The following MBP variants were observed in gnomAD, a reference collection of about 807,000 sequenced individuals.
MBP encodes Golli-MBP.
Under a neutral mutation model 35.8 loss-of-function variants are expected in MBP, and 16 were observed. The observed-to-expected ratio is 0.45, with a 90% CI of 0.30 to 0.68. The LOEUF is 0.68. MBP is among the 30% of genes least tolerant of loss of function. The pLI is 0.08. For synonymous variants in MBP, 143 were observed against 159.6 expected (o/e 0.90, Z 0.78); for missense variants, 380 against 404.7 (o/e 0.94, Z 0.52).
intron 2 of MBP, among the ~76,000 whole-genome samples, chr18:77,103,969 G>A (rs567517565): frequency 1.1e-4 from 16 of 152,364 alleles, no homozygotes; most frequent in South Asian, 4.1e-4. Context: ...CTTACTAGCC[G>A]GAAGGATTCG....
intron 1 of MBP, among the ~76,000 whole-genome samples, chr18:77,106,486 C>T (rs902984929): frequency 3.9e-5 from 6 of 152,162 alleles, no homozygotes; most frequent in South Asian, 2.1e-4. Flanking sequence ...ACCTCCCTCA[C>T]GTGTGTGGGA....
At chr18:77,037,413 G>A (rs1212686782) in intron 3 of MBP, among the ~76,000 whole-genome samples, 1 of 152,200 alleles carries the variant, frequency 6.6e-6, no homozygotes, top group Non-Finnish European at 1.5e-5. Flanking sequence ...CAGTGAGGTC[G>A]GGAGTATGTC....
chr18:77,041,093 C>T (rs1044644276), intron 3 of MBP, among the ~76,000 whole-genome samples: 1 of 152,136 alleles, frequency 6.6e-6, no homozygotes, highest in African/African-American at 2.4e-5. Context: ...AAGAAAAAAA[C>T]AACCCCATCA....
At chr18:77,017,462 G>T in intron 3 of MBP, 194 bp from the exon 4 acceptor site, 1 of 425,790 alleles carries the variant, frequency 2.3e-6, no homozygotes, top group Non-Finnish European at 4.0e-6. Context: ...TGTTTCAGAA[G>T]GCTCTGGGAA....
chr18:77,097,572 A>G (rs919233176), intron 2 of MBP: 36 of 152,220 alleles, frequency 2.4e-4, no homozygotes, highest in African/African-American at 8.7e-4. Flanking sequence ...AGAGCCAGAC[A>G]TCTTCTACAC....
intron 3 of MBP, among the ~76,000 whole-genome samples, chr18:77,035,669 G>T (rs1335697557): frequency 6.6e-6 from 1 of 151,898 alleles, no homozygotes; most frequent in East Asian, 1.9e-4. Flanking sequence ...AAGGGGGGGG[G>T]ACCATGAGGC....
intron 1 of MBP, among the ~76,000 whole-genome samples, chr18:77,106,107 A>G (rs1568342714): frequency 6.6e-6 from 1 of 152,196 alleles, no homozygotes; most frequent in Non-Finnish European, 1.5e-5. Flanking sequence ...CATGTTTTCC[A>G]TGATGGATGT....
At chr18:76,994,636 A>G (rs1258663124) in intron 4 of MBP, among the ~76,000 whole-genome samples, 1 of 152,240 alleles carries the variant, frequency 6.6e-6, no homozygotes. Context: ...AGGAAAAGGT[A>G]GTTTAAATCT....
chr18:77,100,506 GGGGTGT>G (rs1171704312), intron 2 of MBP, among the ~76,000 whole-genome samples: 5 of 76,412 alleles, frequency 6.5e-5, no homozygotes, highest in Middle Eastern at 5.6e-3. Context: ...GATAGAATTT[GGGGTGT>G]GTGTGTGTGT....
intron 3 of MBP, chr18:77,017,487 G>A (rs1220913369): frequency 5.0e-6 from 2 of 396,996 alleles, no homozygotes; most frequent in Middle Eastern, 6.3e-4. Flanking sequence ...TCAGTTACTC[G>A]AGATTTGGCA....
At chr18:77,081,406 C>T (rs938394478) in intron 2 of MBP, among the ~76,000 whole-genome samples, 3 of 152,080 alleles carry the variant, frequency 2.0e-5, no homozygotes, top group Non-Finnish European at 4.4e-5. Context: ...TTTGAATAGA[C>T]ATTTCTTTAA....
intron 8 of MBP, chr18:76,984,557 C>T: frequency 1.6e-6 from 1 of 607,946 alleles, no homozygotes; most frequent in Non-Finnish European, 2.8e-6. Flanking sequence ...GCAGCCCTTC[C>T]TCAAGCACCT....
In MBP at chr18:77,044,861, G is replaced by T. The variant is rs1973165505; in HGVS notation, c.139+21437C>A. Among the ~76,000 whole-genome samples the T allele has an allele frequency of 6.6e-6, 1 of 151,798 alleles. No homozygotes were observed. Among genetic ancestry groups the T allele is most frequent in the African/African-American group, 2.4e-5 (1 of 41,282 alleles). On this transcript the variant is annotated intron_variant, in intron 3 of 8. Transcript: ENST00000355994. This position sits in a 1 kb window ranked among gnomAD's most constrained non-coding sequence, Gnocchi z 4.4. Reference sequence around the variant, plus strand: ...CAACAATTGTGAGGATGACTGTAAGGTTGTTGTCTGTTGTATCCTGTGTGT... The same window carrying T: ...CAACAATTGTGAGGATGACTGTAAGTTTGTTGTCTGTTGTATCCTGTGTGT...
In MBP at chr18:77,131,033, A is replaced by AAAAC. The variant is rs1977231528; in HGVS notation, c.-26+1546_-26+1547insGTTT. Among the ~76,000 whole-genome samples, 1 of 118,594 alleles carries AAAAC rather than the reference A, an allele frequency of 8.4e-6. No homozygotes were observed. Among genetic ancestry groups the AAAAC allele is most frequent in the African/African-American group, 2.9e-5 (1 of 34,074 alleles). The allele number at this position is 118,594 out of a possible 152,430, so 77.8% of individuals were successfully genotyped here. ...GATTTCTGTTTTTCCCACAAAAAAA[A>AAAAC]AAAAAAAACAAAACCTCAAAAAACA... On this transcript the variant is annotated intron_variant, in intron 1 of 8. Coordinates refer to ENST00000355994, the MANE Select transcript of MBP (RefSeq NM_001025101.2). The surrounding 1 kb of genome is among the most constrained non-coding windows in gnomAD (Gnocchi z 5.5).
intron 8 of MBP, chr18:76,984,526 G>A: frequency 2.0e-6 from 1 of 495,640 alleles, no homozygotes; most frequent in South Asian, 2.2e-5. Flanking sequence ...CCTGCTCCAG[G>A]GCCCCTGAAC....
intron 2 of MBP, among the ~76,000 whole-genome samples, chr18:77,089,818 T>G (rs915167116): frequency 6.6e-6 from 1 of 151,846 alleles, no homozygotes; most frequent in Non-Finnish European, 1.5e-5. Flanking sequence ...CTGCAGGAGG[T>G]GATGAGAAGT....
chr18:77,123,110 G>A (rs1976940059), intron 1 of MBP, among the ~76,000 whole-genome samples: 1 of 152,188 alleles, frequency 6.6e-6, no homozygotes, highest in Admixed American at 6.5e-5. Context: ...TTTGTACACA[G>A]TAGACACCAA....
At chr18:76,986,417 G>T in intron 7 of MBP, 1 of 985,520 alleles carries the variant, frequency 1.0e-6, no homozygotes, top group Non-Finnish European at 1.2e-6. Context: ...AGGCCTCAAG[G>T]CTTCCAGAGC....
At chr18:77,029,311 T>C (rs1398573185) in intron 3 of MBP, among the ~76,000 whole-genome samples, 4 of 149,488 alleles carry the variant, frequency 2.7e-5, no homozygotes, top group Non-Finnish European at 6.0e-5. Flanking sequence ...CTCGGCAGGC[T>C]GAGGCAGGAG....
Sources: allele counts gnomAD v4.1 joint callset (sites outside exome capture counted in the v4.1 genomes callset), GRCh38; gene constraint gnomAD v4.1.1; non-coding constraint Gnocchi (gnomAD v3.1); transcripts MANE v1.5; gene names NCBI Gene and HGNC (gene_info 2026-07-23, HGNC 2026-07-21).